Variants in CCDC93 observed in about 807,000 individuals in gnomAD.
CCDC93 encodes coiled-coil domain-containing protein 93.
In CCDC93, 61 loss-of-function variants were observed where a neutral mutation model predicts 108.2. The observed-to-expected ratio is 0.56, with a 90% CI of 0.46 to 0.70. CCDC93 has a LOEUF of 0.70. CCDC93 is among the 30% of genes least tolerant of loss of function. CCDC93 has a pLI of 0.00. For synonymous variants in CCDC93, 276 were observed against 260.4 expected (o/e 1.06, Z -0.58); for missense variants, 685 against 764.2 (o/e 0.90, Z 1.22).
At position 117,923,853 on chromosome 2, in the gene CCDC93, G is replaced by A. The variant is rs180990647; in HGVS notation, c.1843-3457C>T. On this transcript the variant is annotated intron_variant, in intron 23 of 23. Transcript: ENST00000376300. ...CTTCCTCATGTGGTCCCTGACCCCCGAGTAGCCAAACTGGGAGGCACACCC... is the reference window on the plus strand; with the variant it reads ...CTTCCTCATGTGGTCCCTGACCCCCAAGTAGCCAAACTGGGAGGCACACCC... Among the ~76,000 whole-genome samples, 13 of 152,106 alleles carry A rather than the reference G, an allele frequency of 8.5e-5. No homozygotes were observed. The East Asian group carries it at 1.4e-3, about 16-fold the overall frequency.
At chr2:117,945,441 G>C in intron 17 of CCDC93, 88 bp downstream of exon 17, 1 of 1,063,132 alleles carries the variant, frequency 9.4e-7, no homozygotes, top group Non-Finnish European at 1.5e-6. Context: ...GCACATTAAA[G>C]TAGGCATGAG....
At chr2:117,995,708 C>A (rs1187716695) in intron 5 of CCDC93, 7 of 513,332 alleles carry the variant, frequency 1.4e-5, no homozygotes, top group Non-Finnish European at 2.4e-5. Flanking sequence ...CCCTACACAG[C>A]CAGTAAGAAA....
chr2:117,936,433 G>A (rs567004439), intron 21 of CCDC93: 34 of 395,494 alleles, frequency 8.6e-5, no homozygotes, highest in Admixed American at 1.6e-4. Context: ...CATACAGAGA[G>A]ATTTTAGTAG....
intron 15 of CCDC93, 50 bp downstream of exon 15, chr2:117,948,055 G>T (rs761893366): frequency 1.4e-6 from 2 of 1,432,114 alleles, no homozygotes; most frequent in Non-Finnish European, 2.0e-6. Context: ...GGTAAACCAA[G>T]AGATTCAATA....
intron 23 of CCDC93, 76 bp from the exon 24 acceptor site, chr2:117,920,472 C>G (rs1266158377): frequency 9.9e-7 from 1 of 1,008,794 alleles, no homozygotes; most frequent in Non-Finnish European, 1.5e-6. Flanking sequence ...GGTCTCAAAG[C>G]CCTTCCCATA....
intron 11 of CCDC93, 26 bp downstream of exon 11, chr2:117,973,882 C>T: frequency 1.3e-6 from 2 of 1,563,894 alleles, no homozygotes; most frequent in Non-Finnish European, 8.8e-7. Context: ...ATCTGGGGCA[C>T]AGACTCCAGC....
intron 18 of CCDC93, among the ~76,000 whole-genome samples, chr2:117,942,008 T>C (rs6731559): frequency 0.58 from 87,706 of 152,172 alleles, 25,633 homozygotes; most frequent in Middle Eastern, 0.63. Context: ...CTGCCTGCTT[T>C]GCCTGCAGCA....
intron 1 of CCDC93, among the ~76,000 whole-genome samples, chr2:118,010,439 A>G (rs1676993687): frequency 6.6e-6 from 1 of 152,164 alleles, no homozygotes; most frequent in Non-Finnish European, 1.5e-5. Context: ...AACACCAATA[A>G]GATATCCTGG....
intron 1 of CCDC93, among the ~76,000 whole-genome samples, chr2:118,011,867 A>C (rs928525036): frequency 6.6e-6 from 1 of 152,218 alleles, no homozygotes; most frequent in Non-Finnish European, 1.5e-5. Flanking sequence ...AAATTCACTT[A>C]GCAGATTAAC....
chr2:117,991,491 G>A (rs1680473706), intron 6 of CCDC93, among the ~76,000 whole-genome samples: 1 of 152,214 alleles, frequency 6.6e-6, no homozygotes. Context: ...AGAGTCAGGT[G>A]TAATGTCAAA....
Position 117,916,947 on chromosome 2 carries a change from TG to T in CCDC93, c.*3395del, listed in dbSNP as rs892226585. On this transcript the variant is annotated 3_prime_UTR_variant, in exon 24 of 24. Transcript: ENST00000376300. Reference sequence around the variant, plus strand: ...GGGACAGATGATGGCATCCATCCTATGGGGCTCTTTATTGTACTGTTCTGCA... The same window carrying T: ...GGGACAGATGATGGCATCCATCCTATGGGCTCTTTATTGTACTGTTCTGCA... The T allele has an allele frequency of 6.6e-6, 1 of 152,214 alleles. No individual in the cohort carries two copies. Among genetic ancestry groups the T allele is most frequent in the African/African-American group, 2.4e-5 (1 of 41,444 alleles). 9.4% of individuals were successfully genotyped at this position (152,214 alleles called of 1,614,324 possible).
intron 20 of CCDC93, among the ~76,000 whole-genome samples, chr2:117,937,311 G>A (rs1678556255): frequency 6.6e-6 from 1 of 152,162 alleles, no homozygotes; most frequent in South Asian, 2.1e-4. Flanking sequence ...CAATGATACA[G>A]TCCTGGGAAG....
chr2:117,946,037 A>C (rs1231015692), intron 16 of CCDC93, among the ~76,000 whole-genome samples: 3 of 152,178 alleles, frequency 2.0e-5, no homozygotes, highest in African/African-American at 7.2e-5. Flanking sequence ...CAGTCCCCTC[A>C]CAGATGTGAA....
intron 7 of CCDC93, among the ~76,000 whole-genome samples, chr2:117,979,055 C>T (rs1680032898): frequency 6.6e-6 from 1 of 152,118 alleles, no homozygotes; most frequent in African/African-American, 2.4e-5. Flanking sequence ...CTACTCTGTG[C>T]CTCACTTCTG....
At chr2:117,966,133 A>G (rs369058574) in intron 11 of CCDC93, among the ~76,000 whole-genome samples, 1 of 152,234 alleles carries the variant, frequency 6.6e-6, no homozygotes, top group African/African-American at 2.4e-5. Flanking sequence ...TGGGGGTGCT[A>G]GCCACCATGT....
intron 3 of CCDC93, among the ~76,000 whole-genome samples, chr2:118,003,647 T>C (rs949821978): frequency 6.6e-6 from 1 of 152,166 alleles, no homozygotes; most frequent in South Asian, 2.1e-4. Context: ...CCTTCAGACA[T>C]GGCATTTCCT....
chr2:117,952,057 A>C (rs932803551), intron 13 of CCDC93, among the ~76,000 whole-genome samples: 2 of 152,030 alleles, frequency 1.3e-5, no homozygotes, highest in African/African-American at 4.8e-5. Flanking sequence ...ACTGAGTGAC[A>C]CTGTGAGTTC....
chr2:117,949,705 TA>T (rs777611084), intron 13 of CCDC93: 13,159 of 698,822 alleles, frequency 0.019, no homozygotes, highest in Middle Eastern at 0.024. Context: ...ATTCAAAAAT[TA>T]AAAAAAAAAA....
chr2:117,975,462 G>GCTTC (rs765138069), intron 8 of CCDC93, among the ~76,000 whole-genome samples, 182 bp from the exon 9 acceptor site: 10 of 152,222 alleles, frequency 6.6e-5, no homozygotes, highest in Non-Finnish European at 1.5e-4. Flanking sequence ...GGCAGGTTAA[G>GCTTC]CTTCAGGAAC....
Sources: allele counts gnomAD v4.1 joint callset (sites outside exome capture counted in the v4.1 genomes callset), GRCh38; gene constraint gnomAD v4.1.1; transcripts MANE v1.5; gene names NCBI Gene and HGNC (gene_info 2026-07-23, HGNC 2026-07-21).